The following PCDHA10 variants were observed in gnomAD, a reference collection of about 807,000 sequenced individuals.
PCDHA10 encodes the protein protocadherin alpha 10.
Under a neutral mutation model 61.2 loss-of-function variants are expected in PCDHA10, and 45 were observed. That is an observed-to-expected ratio of 0.74 (90% CI 0.58 to 0.94). The LOEUF (loss-of-function observed/expected upper bound fraction) is 0.94. Ranked by LOEUF, PCDHA10 falls within the 40% of genes least tolerant of loss-of-function variation. The pLI is 0.00. For synonymous variants in PCDHA10, 602 were observed against 548.8 expected (o/e 1.10, Z -1.35); for missense variants, 1,278 against 1,236.2 (o/e 1.03, Z -0.51).
chr5:140,981,037 A>T (rs1427761331), intron 2 of PCDHA10, among the ~76,000 whole-genome samples: 1 of 152,204 alleles, frequency 6.6e-6, no homozygotes, highest in Non-Finnish European at 1.5e-5. Context: ...TTTGGGGAAA[A>T]AAAACAGATA....
chr5:140,973,606 G>A (rs1554235444), intron 1 of PCDHA10, among the ~76,000 whole-genome samples: 1 of 152,204 alleles, frequency 6.6e-6, no homozygotes, highest in African/African-American at 2.4e-5. Flanking sequence ...TTATGGCTGA[G>A]CTCTTCTCTG....
intron 1 of PCDHA10, among the ~76,000 whole-genome samples, chr5:140,931,914 A>C (rs1374173998): frequency 1.3e-5 from 2 of 151,960 alleles, no homozygotes; most frequent in Admixed American, 1.3e-4. Context: ...AAAGCATGAC[A>C]TTTAACAATG....
intron 1 of PCDHA10, among the ~76,000 whole-genome samples, chr5:140,932,168 A>G (rs1279324749): frequency 1.3e-5 from 2 of 151,944 alleles, no homozygotes; most frequent in African/African-American, 4.8e-5. Flanking sequence ...ACAATTAGAC[A>G]ATGTGTACCT....
chr5:140,858,881 T>A (rs1466953448), intron 1 of PCDHA10: 7 of 242,834 alleles, frequency 2.9e-5, no homozygotes, highest in Non-Finnish European at 5.6e-5. Flanking sequence ...TTTTCCTCCA[T>A]GTGTAGAATA....
rs149711844 is a variant in PCDHA10 at position 140,884,286 on chromosome 5, G to T, written c.2388+25850G>T. On this transcript the variant is annotated intron_variant, in intron 1 of 3. Coordinates refer to ENST00000307360, the MANE Select transcript of PCDHA10 (RefSeq NM_018901.4). ...GTGCTGTTGTCGCTGGTGGAGAGCG[G>T]CCAAGCGCCACAGGCTTCGTCGAGG... 1.6e-4 allele frequency: 258 copies of T among 1,613,626 alleles called. No individual in the cohort carries two copies. The highest frequency in any genetic ancestry group is 2.1e-4 in the Non-Finnish European group (242 of 1,179,820).
chr5:140,889,868 G>A (rs905154258), intron 1 of PCDHA10, among the ~76,000 whole-genome samples: 2 of 152,136 alleles, frequency 1.3e-5, no homozygotes, highest in African/African-American at 4.8e-5. Context: ...TTTGGGGGAA[G>A]CCTGCCACCA....
At chr5:140,863,076 G>A (rs782126148) in intron 1 of PCDHA10, 19 of 569,916 alleles carry the variant, frequency 3.3e-5, no homozygotes, top group South Asian at 2.5e-4. Context: ...GGCTCTGCAC[G>A]GGCGAGATCA....
intron 1 of PCDHA10, chr5:140,882,155 T>C (rs1317545188): frequency 1.3e-6 from 2 of 1,504,050 alleles, no homozygotes; most frequent in Admixed American, 2.3e-5. Flanking sequence ...GAAAGCGGAA[T>C]ACCTCTTGCG....
At chr5:140,950,439 G>A (rs1448812695) in intron 1 of PCDHA10, among the ~76,000 whole-genome samples, 1 of 151,962 alleles carries the variant, frequency 6.6e-6, no homozygotes, top group Non-Finnish European at 1.5e-5. Context: ...TAAAAAAAAT[G>A]TTATTCTACT....
intron 1 of PCDHA10, among the ~76,000 whole-genome samples, chr5:140,915,245 C>T (rs1366061257): frequency 2.0e-5 from 3 of 152,088 alleles, no homozygotes; most frequent in Non-Finnish European, 4.4e-5. Flanking sequence ...CCATGCCTGG[C>T]CAGGTTGTTA....
chr5:140,967,185 A>G, intron 1 of PCDHA10: 1 of 1,613,242 alleles, frequency 6.2e-7, no homozygotes, highest in Non-Finnish European at 8.5e-7. Context: ...GAAATATTGG[A>G]CATCAACGAC....
chr5:140,926,441 A>G (rs1476576189), intron 1 of PCDHA10: 1 of 154,800 alleles, frequency 6.5e-6, no homozygotes, highest in African/African-American at 2.4e-5. Context: ...AGATCTGGGC[A>G]GCCTCAGGGC....
Position 140,993,289 on chromosome 5 carries a change from C to T in PCDHA10, c.2536+10726C>T, listed in dbSNP as rs148346866. Among the ~76,000 whole-genome samples the T allele has an allele frequency of 3.6e-3, 552 of 152,140 alleles. 3 individuals are homozygous for T. The highest frequency in any genetic ancestry group is 0.01 in the Middle Eastern group (3 of 294). On this transcript the variant is annotated intron_variant, in intron 3 of 3. Coordinates refer to ENST00000307360, the MANE Select transcript of PCDHA10 (RefSeq NM_018901.4). ...TCTTTGGTCTTTTCTTGCCCAGGGTCACAACCTTGCCTCCAGGATAATACC... is the reference window on the plus strand; with the variant it reads ...TCTTTGGTCTTTTCTTGCCCAGGGTTACAACCTTGCCTCCAGGATAATACC...
intron 1 of PCDHA10, chr5:140,882,537 TCGACCGCGAGGAGCTGTGTGGGC>T (rs1554174449): frequency 1.2e-6 from 2 of 1,614,058 alleles, no homozygotes; most frequent in African/African-American, 2.7e-5. Flanking sequence ...AATTCTCGGA[TCGACCGCGAGGAGCTGTGTGGGC>T]GGAGCGCGGA....
At chr5:140,876,810 C>A in intron 1 of PCDHA10, 2 of 1,614,154 alleles carry the variant, frequency 1.2e-6, no homozygotes, top group Non-Finnish European at 1.7e-6. Flanking sequence ...TGGAGGTGGC[C>A]GACGTGAACG....
intron 1 of PCDHA10, chr5:140,869,019 A>G: frequency 1.3e-6 from 2 of 1,525,464 alleles, no homozygotes; most frequent in Non-Finnish European, 8.8e-7. Flanking sequence ...CTTCTTAAGA[A>G]TTCAACGAGA....
At chr5:140,942,863 T>A (rs1223265899) in intron 1 of PCDHA10, among the ~76,000 whole-genome samples, 2 of 152,126 alleles carry the variant, frequency 1.3e-5, no homozygotes, top group Non-Finnish European at 2.9e-5. Context: ...TTATTTTGCT[T>A]TAGCATGACA....
chr5:140,897,739 T>A (rs2066296532), intron 1 of PCDHA10, among the ~76,000 whole-genome samples: 1 of 152,176 alleles, frequency 6.6e-6, no homozygotes, highest in Admixed American at 6.5e-5. Flanking sequence ...GTATTTCTAG[T>A]TCTAGATCCC....
At chr5:140,927,973 C>G (rs77078209) in intron 1 of PCDHA10, 1 of 1,614,216 alleles carries the variant, frequency 6.2e-7, no homozygotes, top group Non-Finnish European at 8.5e-7. Context: ...AGTGATTGCT[C>G]TCTTTAGTGT....
Sources: allele counts gnomAD v4.1 joint callset (sites outside exome capture counted in the v4.1 genomes callset), GRCh38; gene constraint gnomAD v4.1.1; transcripts MANE v1.5; gene names NCBI Gene and HGNC (gene_info 2026-07-23, HGNC 2026-07-21).